Variants in SCRIB observed in about 807,000 individuals in gnomAD.
SCRIB encodes the protein protein scribble homolog.
Under a neutral mutation model 170.0 loss-of-function variants are expected in SCRIB, and 72 were observed. The observed-to-expected ratio is 0.42, with a 90% CI of 0.35 to 0.52. SCRIB has a LOEUF of 0.52. SCRIB is among the 20% of genes least tolerant of loss of function. The probability of loss-of-function intolerance (pLI) is 0.02; values close to 1 mark genes in which losing one functional copy is unlikely to be tolerated. For synonymous variants in SCRIB, 1,298 were observed against 1,044.3 expected (o/e 1.24, Z -4.68); for missense variants, 2,475 against 2,338.5 (o/e 1.06, Z -1.20).
Position 143,803,927 on chromosome 8 carries a change from C to T in SCRIB, c.3134G>A (p.Gly1045Asp). ...CCGCAGGCCGCTGCGAGCGGCCAGGCCCCGCGGGAGCACCTGTCAGGGAGG... is the reference window on the plus strand; with the variant it reads ...CCGCAGGCCGCTGCGAGCGGCCAGGTCCCGCGGGAGCACCTGTCAGGGAGG... Reference protein sequence around the residue: ...GVFISKVLPRGLAARSGLRVG... With the variant: ...GVFISKVLPRDLAARSGLRVG... The change falls in exon 23 of 37, where the codon GGC (glycine) becomes GAC (aspartate). Residue 1045 changes from glycine (G) to aspartate (D), a missense_variant. This residue lies in a region of SCRIB where 1,966 missense variants were observed against 1,742.9 expected (regional missense o/e 1.13). Coordinates refer to ENST00000356994, the MANE Select transcript of SCRIB (RefSeq NM_182706.5). 1 of 1,582,794 alleles carries T rather than the reference C, an allele frequency of 6.3e-7. No homozygotes were observed. Among genetic ancestry groups the T allele is most frequent in the Non-Finnish European group, 8.6e-7 (1 of 1,163,170 alleles).
At chr8:143,806,076 C>A (rs1815411623) in intron 18 of SCRIB, among the ~76,000 whole-genome samples, 1 of 152,188 alleles carries the variant, frequency 6.6e-6, no homozygotes, top group Admixed American at 6.5e-5. Flanking sequence ...TCGGTCAGCC[C>A]AGGAGCGGCC....
intron 9 of SCRIB, 78 bp downstream of exon 9, chr8:143,812,188 C>T (rs1765336944): frequency 3.1e-6 from 3 of 953,324 alleles, no homozygotes; most frequent in Non-Finnish European, 5.2e-6. Context: ...CCCCCAGCAG[C>T]AGACACAGGC....
intron 27 of SCRIB, 100 bp from the exon 28 acceptor site, chr8:143,794,062 CT>C: frequency 1.8e-6 from 2 of 1,113,492 alleles, no homozygotes; most frequent in South Asian, 2.8e-5. Flanking sequence ...GCCACAGCAG[CT>C]CTTCAGTTCC....
rs782689443 is a variant in SCRIB, at chr8:143,792,546, G to T, written c.4267C>A (p.Leu1423Met). ...TCATCCTCCTGTTCCTCCTCGCCCA[G>T]CGTCTCCCCGTCCAGGGCGAGCCTC... ...EARLALDGETLGEEEQEDEQP... is the reference protein window; with the variant it reads ...EARLALDGETMGEEEQEDEQP... The change falls in exon 31 of 37, where the codon CTG (leucine) becomes ATG (methionine). Residue 1423 changes from leucine (L) to methionine (M), a missense_variant. Coordinates refer to ENST00000356994, the MANE Select transcript of SCRIB (RefSeq NM_182706.5). The T allele has an allele frequency of 4.5e-6, 7 of 1,560,694 alleles. No homozygotes were observed. The highest frequency in any genetic ancestry group is 1.2e-5 in the South Asian group (1 of 86,306).
In SCRIB at chr8:143,804,811, G is replaced by A. The variant is rs150215022; in HGVS notation, c.2766C>T (p.Asp922=). 24 of 1,589,318 alleles carry A rather than the reference G, an allele frequency of 1.5e-5. No individual in the cohort carries two copies. Among genetic ancestry groups the A allele is most frequent in the Admixed American group, 7.0e-5 (4 of 57,232 alleles). Residue 922 remains aspartate, a synonymous_variant, in exon 21 of 37, where the codon GAC becomes GAT. Transcript: ENST00000356994. ...GDRVLSINGV[D]VTEARHDHAV... ...CGTGGTCATGCCTGGCCTCAGTCAC[G>A]TCCACTCCATTAATCTGTGAGAGCG... is the stretch of plus-strand genomic sequence containing the variant.
At chr8:143,810,333 T>A (rs1399121178) in intron 13 of SCRIB, 146 bp downstream of exon 13, 29 of 1,230,940 alleles carry the variant, frequency 2.4e-5, no homozygotes, top group Non-Finnish European at 3.0e-5. Flanking sequence ...GCCCTGCAGC[T>A]CCATGTCCCT....
At position 143,815,724 on chromosome 8, in the gene SCRIB, C is replaced by G. The variant is rs1816068677; in HGVS notation, c.-352G>C. ...GAACCGCCGCTGCCCGCCGGACTGC[C>G]CCGCCGACACCCACCCGGCCGCCGC... is the stretch of plus-strand genomic sequence containing the variant. On this transcript the variant is annotated 5_prime_UTR_variant, in exon 1 of 37. Coordinates refer to ENST00000356994, the MANE Select transcript of SCRIB (RefSeq NM_182706.5). 1 of 983,950 alleles carries G rather than the reference C, an allele frequency of 1.0e-6. No homozygotes were observed. The highest frequency in any genetic ancestry group is 1.8e-5 in the African/African-American group (1 of 57,056). The allele number at this position is 983,950 out of a possible 1,614,324, so 61.0% of individuals were successfully genotyped here. A position where few individuals can be genotyped will look rare whatever the true frequency, so the allele number is the denominator to read the frequency against.
At chr8:143,815,158 G>T in intron 1 of SCRIB, 56 bp downstream of exon 1, 1 of 1,464,820 alleles carries the variant, frequency 6.8e-7, no homozygotes. Flanking sequence ...TCTGCCGCCG[G>T]AGGAATCACG....
At position 143,813,394 on chromosome 8, in the gene SCRIB, G is replaced by C. The variant is rs200207063; in HGVS notation, c.504-20C>G. On this transcript the variant is annotated intron_variant, in intron 5 of 36. Transcript: ENST00000356994. ...AGGGACCTGCAGAGGAAGCAGGGTG[G>C]AGGTGTGGCCACGCAGCCCTGGTCC... 37 of 1,613,404 alleles carry C rather than the reference G, an allele frequency of 2.3e-5. No individual in the cohort carries two copies. In the East Asian group the frequency reaches 7.8e-4, roughly 34 times the overall value.
chr8:143,806,716 GAGA>G (rs1245441582), intron 17 of SCRIB, among the ~76,000 whole-genome samples: 1 of 152,232 alleles, frequency 6.6e-6, no homozygotes, highest in South Asian at 2.1e-4. Flanking sequence ...CAGCTGGTGA[GAGA>G]AGGAGGGCTG....
chr8:143,799,590 G>A (rs1005639899), intron 24 of SCRIB, among the ~76,000 whole-genome samples: 8 of 152,202 alleles, frequency 5.3e-5, no homozygotes, highest in African/African-American at 7.2e-5. Context: ...GGTCGGCGCC[G>A]ACCATGGCGA....
chr8:143,813,973 C>T, intron 2 of SCRIB, 28 bp downstream of exon 2: 1 of 1,575,474 alleles, frequency 6.3e-7, no homozygotes, highest in South Asian at 1.2e-5. Flanking sequence ...TCCCCAGACC[C>T]CACCCAGCCC....
chr8:143,794,125 G>A (rs1814833349), intron 27 of SCRIB, 163 bp from the exon 28 acceptor site: 1 of 642,976 alleles, frequency 1.6e-6, no homozygotes, highest in Non-Finnish European at 2.7e-6. Flanking sequence ...CAGCACGGAG[G>A]GGCTCGTCCC....
intron 15 of SCRIB, among the ~76,000 whole-genome samples, chr8:143,808,387 G>C (rs1815528284): frequency 6.9e-6 from 1 of 144,960 alleles, no homozygotes; most frequent in Non-Finnish European, 1.5e-5. Flanking sequence ...ACCAACGCCA[G>C]GGCAGGCCTG....
chr8:143,800,467 C>T (rs888873340), intron 24 of SCRIB, among the ~76,000 whole-genome samples: 1 of 152,176 alleles, frequency 6.6e-6, no homozygotes, highest in Non-Finnish European at 1.5e-5. Context: ...GGGGGAAGGG[C>T]GGCCAGGCTT....
At chr8:143,815,060 G>A (rs143336186) in intron 1 of SCRIB, 154 bp downstream of exon 1, 3 of 867,414 alleles carry the variant, frequency 3.5e-6, no homozygotes, top group African/African-American at 1.8e-5. Flanking sequence ...GCGGCTGGAA[G>A]AGAAGGGTGG....
intron 24 of SCRIB, among the ~76,000 whole-genome samples, chr8:143,800,448 A>C (rs1042013964): frequency 2.6e-5 from 4 of 152,218 alleles, no homozygotes; most frequent in Non-Finnish European, 5.9e-5. Flanking sequence ...GACAAGGGAG[A>C]GGCCCGAAGG....
rs1816038008 is a variant in SCRIB, at chr8:143,815,418, T to A, written c.-46A>T. ...GCTCCGGCGGCGGCGCTCGGCGGGC[T>A]CGGGGCCGGGGGGCGGGGCTCAGTC... On this transcript the variant is annotated 5_prime_UTR_variant, in exon 1 of 37. Coordinates refer to ENST00000356994, the MANE Select transcript of SCRIB (RefSeq NM_182706.5). 2.5e-6 allele frequency: 3 copies of A among 1,214,056 alleles called. No homozygotes were observed. The allele number at this position is 1,214,056 out of a possible 1,614,324, so 75.2% of individuals were successfully genotyped here. A position where few individuals can be genotyped will look rare whatever the true frequency, so the allele number is the denominator to read the frequency against.
rs782546577 is a variant in SCRIB, at chr8:143,804,144, G to A, written c.3022C>T (p.Pro1008Ser). 2.5e-6 allele frequency: 4 copies of A among 1,609,966 alleles called. No individual in the cohort carries two copies. The highest frequency in any genetic ancestry group is 2.2e-5 in the East Asian group (1 of 44,808). Reference sequence around the variant, plus strand: ...AGCCCCAGAGGGCCCCCAGCTCTTGGCAGACGGATCTCCTGGGGATTTAGG... The same window carrying A: ...AGCCCCAGAGGGCCCCCAGCTCTTGACAGACGGATCTCCTGGGGATTTAGG... Reference protein sequence around the residue: ...GPYPVEEIRLPRAGGPLGLSI... With the variant: ...GPYPVEEIRLSRAGGPLGLSI... Residue 1008 changes from proline (P) to serine (S), a missense_variant, in exon 22 of 37, where the codon CCA (proline) becomes TCA (serine). By Grantham distance (74) the Pro-to-Ser change is moderately conservative. Around this residue, in one of 3 missense-constraint regions of SCRIB, gnomAD observed 1,966 missense variants for 1,742.9 expected, o/e 1.13. Coordinates refer to ENST00000356994, the MANE Select transcript of SCRIB (RefSeq NM_182706.5).
Sources: gnomAD v4.1 joint callset for allele counts (sites outside exome capture counted in the v4.1 genomes callset) on GRCh38, gnomAD v4.1.1 for gene constraint, gnomAD v4.1.1 regional missense constraint, MANE v1.5 for transcripts, NCBI Gene and HGNC (gene_info 2026-07-23, HGNC 2026-07-21) for gene names.